CACNA1A: variants seen among roughly 807,000 people sequenced by gnomAD.
CACNA1A encodes voltage-dependent P/Q-type calcium channel subunit alpha-1A.
Under a neutral mutation model 262.4 loss-of-function variants are expected in CACNA1A, and 57 were observed. The observed-to-expected ratio is 0.22, with a 90% CI of 0.18 to 0.27. The LOEUF (loss-of-function observed/expected upper bound fraction) is 0.27. Among genes scored for constraint, CACNA1A ranks in the 10% least tolerant of loss-of-function variants. The pLI, the probability that CACNA1A is intolerant of heterozygous loss-of-function variation, is 1.00. For synonymous variants in CACNA1A, 1,431 were observed against 1,419.3 expected, an observed-to-expected ratio of 1.01 and a Z score of -0.18; for missense variants, 2,526 against 3,562.8, an observed-to-expected ratio of 0.71 and a Z score of 7.41.
intron 20 of CACNA1A, among the ~76,000 whole-genome samples, chr19:13,285,690 T>C (rs922210699): frequency 1.3e-5 from 2 of 151,974 alleles, no homozygotes; most frequent in Non-Finnish European, 2.9e-5. Flanking sequence ...ATGCCCCCAT[T>C]AGCACCCCTC....
intron 5 of CACNA1A, among the ~76,000 whole-genome samples, chr19:13,360,809 T>C (rs1183699143): frequency 2.0e-5 from 3 of 152,330 alleles, no homozygotes; most frequent in Admixed American, 6.5e-5. Context: ...TCAGACATCA[T>C]ATCATTTCAT....
intron 10 of CACNA1A, among the ~76,000 whole-genome samples, chr19:13,318,076 A>G (rs2058163042): frequency 6.6e-6 from 1 of 152,216 alleles, no homozygotes; most frequent in South Asian, 2.1e-4. Context: ...TGAGGCCAGG[A>G]GTTTGACACC....
In CACNA1A at chr19:13,300,566, T is replaced by C. The variant is rs762466161; in HGVS notation, c.2263A>G (p.Asn755Asp). 2.5e-6 allele frequency: 4 copies of C among 1,613,266 alleles called. No homozygotes were observed. The Admixed American group carries it at 6.7e-5, about 27-fold the overall frequency. Residue 755 changes from asparagine (N) to aspartate (D), a missense_variant, in exon 18 of 47, where the codon AAC becomes GAC. Transcript: ENST00000360228. ...VAEVSPLSAANMSIAVKEQQK... is the reference protein window; with the variant it reads ...VAEVSPLSAADMSIAVKEQQK... ...GGCACTTACACAGCTATAGACATGT[T>C]GGCCGCGGACAGAGGACTCACTTCT...
intron 19 of CACNA1A, among the ~76,000 whole-genome samples, chr19:13,288,100 G>A (rs1422849145): frequency 6.6e-6 from 1 of 152,098 alleles, no homozygotes; most frequent in Non-Finnish European, 1.5e-5. Flanking sequence ...ACAATGCCCA[G>A]CTTGTTTTTA....
At chr19:13,440,429 A>C (rs2060697125) in intron 3 of CACNA1A, among the ~76,000 whole-genome samples, 1 of 152,236 alleles carries the variant, frequency 6.6e-6, no homozygotes, top group Non-Finnish European at 1.5e-5. Flanking sequence ...TTGGGAACCC[A>C]ACTAATAATA....
chr19:13,287,383 G>A (rs983952511), intron 19 of CACNA1A, among the ~76,000 whole-genome samples: 2 of 152,024 alleles, frequency 1.3e-5, no homozygotes, highest in African/African-American at 4.8e-5. Flanking sequence ...AAAGGGTACA[G>A]TTTGGTCATG....
intron 1 of CACNA1A, among the ~76,000 whole-genome samples, chr19:13,456,041 T>C (rs1333189724): frequency 6.6e-6 from 1 of 151,756 alleles, no homozygotes; most frequent in Non-Finnish European, 1.5e-5. Context: ...TCCCAGCTAC[T>C]TGGGAGGCCG....
rs1291124063 is a variant in CACNA1A at position 13,334,546 on chromosome 19, CGTTTGTGTGTGT to C, written c.1083-65_1083-54del. The C allele has an allele frequency of 1.4e-3, 1,175 of 834,010 alleles. 10 individuals are homozygous for C. Among genetic ancestry groups the C allele is most frequent in the South Asian group, 4.7e-3 (334 of 71,798 alleles). 51.7% of individuals were successfully genotyped at this position (834,010 alleles called of 1,614,324 possible). On this transcript the variant is annotated intron_variant, in intron 7 of 46. Transcript: ENST00000360228. ...TGGCTGTTTTGAAAATGTTAGGAAA[CGTTTGTGTGTGT>C]GTTTGTGTGTGTGTGTGTGTGTGTG...
intron 1 of CACNA1A, among the ~76,000 whole-genome samples, chr19:13,486,209 T>C (rs1367674639): frequency 6.6e-6 from 1 of 152,228 alleles, no homozygotes; most frequent in Non-Finnish European, 1.5e-5. Context: ...TAGTGGTTCC[T>C]CCAGGAGGGA....
intron 3 of CACNA1A, among the ~76,000 whole-genome samples, chr19:13,382,208 T>G (rs573932787): frequency 6.6e-6 from 1 of 152,124 alleles, no homozygotes; most frequent in South Asian, 2.1e-4. Flanking sequence ...GAGGGAATGA[T>G]TACAGCCTGG....
At chr19:13,339,965 A>T (rs1256656720) in intron 6 of CACNA1A, among the ~76,000 whole-genome samples, 1 of 152,194 alleles carries the variant, frequency 6.6e-6, no homozygotes, top group East Asian at 1.9e-4. Flanking sequence ...ATTGCTGGAC[A>T]GAAGGCAGCA....
intron 6 of CACNA1A, among the ~76,000 whole-genome samples, chr19:13,340,821 G>A (rs2058666277): frequency 6.6e-6 from 1 of 152,162 alleles, no homozygotes; most frequent in Non-Finnish European, 1.5e-5. Context: ...TGGTACCTAT[G>A]AATTGGAAAT....
At chr19:13,453,448 A>C (rs1288356225) in intron 2 of CACNA1A, among the ~76,000 whole-genome samples, 1 of 152,238 alleles carries the variant, frequency 6.6e-6, no homozygotes, top group South Asian at 2.1e-4. Context: ...TGACTGCAGA[A>C]AGTTCTAATG....
intron 3 of CACNA1A, among the ~76,000 whole-genome samples, chr19:13,383,208 T>C (rs2059552033): frequency 6.6e-6 from 1 of 152,172 alleles, no homozygotes; most frequent in Non-Finnish European, 1.5e-5. Flanking sequence ...TGGGAAAAGA[T>C]ATAGTATGTC....
At chr19:13,325,125 TTCCTCC>T (rs36159832) in intron 10 of CACNA1A, among the ~76,000 whole-genome samples, 1 of 136,448 alleles carries the variant, frequency 7.3e-6, no homozygotes, top group African/African-American at 2.7e-5. Flanking sequence ...CCCCTTCCCA[TTCCTCC>T]TCCTCCTCCT....
chr19:13,412,232 T>C, intron 3 of CACNA1A, among the ~76,000 whole-genome samples: 1 of 151,448 alleles, frequency 6.6e-6, no homozygotes. Flanking sequence ...GTTTTATTTG[T>C]TTTCTTTTGC....
chr19:13,297,597 G>C (rs1168227111), intron 19 of CACNA1A, among the ~76,000 whole-genome samples: 1 of 152,118 alleles, frequency 6.6e-6, no homozygotes, highest in African/African-American at 2.4e-5. Flanking sequence ...GAATGCTTGA[G>C]TTCAGGAGTT....
intron 36 of CACNA1A, 72 bp downstream of exon 36, chr19:13,230,010 C>T: frequency 6.4e-7 from 1 of 1,551,424 alleles, no homozygotes; most frequent in South Asian, 1.2e-5. Context: ...AGTCTGGGGC[C>T]TGACCTAGCC....
chr19:13,261,783 G>C (rs757217381), intron 25 of CACNA1A, 173 bp from the exon 26 acceptor site: 60 of 605,464 alleles, frequency 9.9e-5, no homozygotes, highest in South Asian at 1.9e-4. Flanking sequence ...AGCGTTGGAG[G>C]AGTTGGACTC....
Sources: allele counts gnomAD v4.1 joint callset (sites outside exome capture counted in the v4.1 genomes callset), GRCh38; gene constraint gnomAD v4.1.1; transcripts MANE v1.5; gene names NCBI Gene and HGNC (gene_info 2026-07-23, HGNC 2026-07-21).